FBXL18: variants seen among roughly 807,000 people sequenced by gnomAD.
The protein encoded by FBXL18 is F-box and leucine rich repeat protein 18, also known as F-box/LRR-repeat protein 18.
In FBXL18, 36 loss-of-function variants were observed where a neutral mutation model predicts 46.0. That is an observed-to-expected ratio of 0.78 (90% CI 0.60 to 1.03). FBXL18 has a LOEUF of 1.03. Among genes scored for constraint, FBXL18 ranks in the 50% least tolerant of loss-of-function variants. The pLI, the probability that FBXL18 is intolerant of heterozygous loss-of-function variation, is 0.00. For missense variants in FBXL18, 977 were observed against 1,004.1 expected, an observed-to-expected ratio of 0.97 and a Z score of 0.36; for synonymous variants, 557 against 465.3, an observed-to-expected ratio of 1.20 and a Z score of -2.54.
At chr7:5,472,241 G>A (rs534837969), downstream of FBXL18, among the ~76,000 whole-genome samples, 47 of 151,962 alleles carry the variant, frequency 3.1e-4, no homozygotes, top group Non-Finnish European at 5.7e-4. Context: ...GCACTAAGAC[G>A]CACTTTCTAA....
chr7:5,463,921 A>T (rs1318983517), intron 4 of FBXL18, among the ~76,000 whole-genome samples: 1 of 150,922 alleles, frequency 6.6e-6, no homozygotes, highest in African/African-American at 2.4e-5. Context: ...TCATATTTTT[A>T]GTAGAGACGG....
rs1376158567 is a variant in FBXL18 at position 5,477,132 on chromosome 7, C to A, written c.*4643G>T. The A allele has an allele frequency of 3.3e-5, 5 of 152,212 alleles. No homozygotes were observed. The highest frequency in any genetic ancestry group is 3.3e-4 in the Admixed American group (5 of 15,278). 9.4% of individuals were successfully genotyped at this position (152,212 alleles called of 1,614,324 possible). Reference sequence around the variant, plus strand: ...TCGATCTCCTGACCTCATGATCCGCCTGCCTCAGCCTCCTAAAGTGCTGGG... The same window carrying A: ...TCGATCTCCTGACCTCATGATCCGCATGCCTCAGCCTCCTAAAGTGCTGGG... On this transcript the variant is annotated 3_prime_UTR_variant, in exon 5 of 5. Transcript: ENST00000382368. The surrounding 1 kb of genome is among the most constrained non-coding windows in gnomAD (Gnocchi z 4.4).
intron 4 of FBXL18, among the ~76,000 whole-genome samples, chr7:5,469,200 T>A (rs995787006): frequency 1.3e-5 from 2 of 152,064 alleles, no homozygotes; most frequent in Non-Finnish European, 2.9e-5. Context: ...TCACCTGAGG[T>A]CAGGAGTTCG....
At chr7:5,467,163 T>A (rs1008772956) in intron 4 of FBXL18, among the ~76,000 whole-genome samples, 31 of 152,104 alleles carry the variant, frequency 2.0e-4, no homozygotes, top group East Asian at 5.8e-4. Flanking sequence ...CATCCTGGCT[T>A]ACACAGTGAA....
At chr7:5,491,475 G>C in intron 3 of FBXL18, 26 bp from the exon 4 acceptor site, 4 of 1,536,868 alleles carry the variant, frequency 2.6e-6, no homozygotes, top group Non-Finnish European at 3.5e-6. Context: ...GCAGCTGTGA[G>C]GTCCGAGGGA....
At chr7:5,454,905 CTGT>C (rs1783151385) in intron 4 of FBXL18, among the ~76,000 whole-genome samples, 1 of 152,216 alleles carries the variant, frequency 6.6e-6, no homozygotes, top group Admixed American at 6.5e-5. Flanking sequence ...GGCTAAGCCG[CTGT>C]TGTTTGGGAT....
chr7:5,507,902 G>A (rs1784431569), intron 1 of FBXL18, among the ~76,000 whole-genome samples: 1 of 151,234 alleles, frequency 6.6e-6, no homozygotes. Flanking sequence ...TTGGGAGGCT[G>A]AGGAGGGCAG....
intron 4 of FBXL18, among the ~76,000 whole-genome samples, chr7:5,460,641 T>C (rs1015922518): frequency 2.0e-5 from 3 of 152,132 alleles, no homozygotes; most frequent in African/African-American, 7.2e-5. Context: ...TTAGTAGAGA[T>C]GGGGTTTCAC....
At position 5,490,126 on chromosome 7, in the gene FBXL18, C is replaced by G. The variant is rs555249435; in HGVS notation, c.2000+1105G>C. 13 of 1,361,094 alleles carry G rather than the reference C, an allele frequency of 9.6e-6. No individual in the cohort carries two copies. The African/African-American group carries it at 1.8e-4, about 19-fold the overall frequency. 84.3% of individuals were successfully genotyped at this position (1,361,094 alleles called of 1,614,324 possible). ...AGAGTCTGGCAAGCAGGGTTGTCGG[C>G]GCCCAGTGGCTCGAGACGTCCTGGC... On this transcript the variant is annotated intron_variant, in intron 4 of 4. Transcript: ENST00000382368.
At chr7:5,462,971 T>A (rs28591366) in intron 4 of FBXL18, among the ~76,000 whole-genome samples, 4,110 of 12,728 alleles carry the variant, frequency 0.32, 493 homozygotes, top group East Asian at 0.45. Context: ...AAAAAAAAAA[T>A]ATATATATAT....
chr7:5,481,985 G>T, intron 4 of FBXL18, 54 bp from the exon 5 acceptor site: 1 of 1,545,676 alleles, frequency 6.5e-7, no homozygotes. Flanking sequence ...GGAGGGGGCG[G>T]AGCCTGCTGG....
At chr7:5,484,156 AGCTCGTGAG>A (rs1176860410) in intron 4 of FBXL18, among the ~76,000 whole-genome samples, 1 of 152,170 alleles carries the variant, frequency 6.6e-6, no homozygotes, top group Non-Finnish European at 1.5e-5. Flanking sequence ...CTCTGGCTCC[AGCTCGTGAG>A]GCTGTTAAGG....
chr7:5,474,852 C>T (rs574032317), downstream of FBXL18, among the ~76,000 whole-genome samples: 32 of 150,744 alleles, frequency 2.1e-4, no homozygotes, highest in South Asian at 3.8e-3. Flanking sequence ...GGACTACAGG[C>T]GCCCGCCACC....
chr7:5,511,908 C>G (rs1392605962), intron 1 of FBXL18, among the ~76,000 whole-genome samples: 1 of 151,842 alleles, frequency 6.6e-6, no homozygotes, highest in Non-Finnish European at 1.5e-5. Context: ...ACAGTCACAC[C>G]TCATCTCTAA....
intron 3 of FBXL18, 150 bp downstream of exon 3, chr7:5,500,338 G>A: frequency 1.5e-6 from 1 of 676,492 alleles, no homozygotes; most frequent in Non-Finnish European, 2.5e-6. Context: ...GCTCTCCCCA[G>A]AGCCCCGAGA....
intron 4 of FBXL18, among the ~76,000 whole-genome samples, chr7:5,463,728 A>ATTTTTTTTTTTTTTTTTTTTTTT (rs552002078): frequency 3.8e-5 from 2 of 53,032 alleles, no homozygotes; most frequent in Non-Finnish European, 6.7e-5. Context: ...TTATTTATTT[A>ATTTTTTTTTTTTTTTTTTTTTTT]TTTTTTTTTT....
chr7:5,490,155 T>C (rs1783883608), intron 4 of FBXL18: 1 of 1,358,526 alleles, frequency 7.4e-7, no homozygotes, highest in South Asian at 1.1e-5. Context: ...TCCTGGCTGA[T>C]GGCTCTTCTC....
Position 5,513,760 on chromosome 7 carries a change from G to A in FBXL18, c.-86C>T, listed in dbSNP as rs1405769936. 10 of 1,530,926 alleles carry A rather than the reference G, an allele frequency of 6.5e-6. No individual in the cohort carries two copies. The Admixed American group carries it at 7.9e-5, about 12-fold the overall frequency. The allele number at this position is 1,530,926 out of a possible 1,614,324, so 94.8% of individuals were successfully genotyped here. On this transcript the variant is annotated 5_prime_UTR_variant, in exon 1 of 5. In the 5' UTR this introduces an upstream ATG that the reference lacks. Coordinates refer to ENST00000382368, the MANE Select transcript of FBXL18 (RefSeq NM_024963.6). ...GGCTAGGGATGCTCGAAGCCGGCGC[G>A]TCCACCGCTCAACCGAGACCCCGGC...
In FBXL18 at chr7:5,501,014, A is replaced by G; in HGVS notation, c.1255T>C (p.Ser419Pro). 1 of 1,596,294 alleles carries G rather than the reference A, an allele frequency of 6.3e-7. No individual in the cohort carries two copies. The change falls in exon 3 of 5, where the codon TCC becomes CCC. Residue 419 changes from serine (S) to proline (P), a missense_variant. Physicochemically the swap from Ser to Pro is moderately conservative, Grantham distance 74. Coordinates refer to ENST00000382368, the MANE Select transcript of FBXL18 (RefSeq NM_024963.6). ...TCAGCGACAGAGCAGACAGGCAGGG[A>G]GAGGGAGCGCAGGTGACGCAGCCGG... ...LARLRHLRSL[S>P]LPVCSVADSA... is the part of the protein sequence containing the mutation.
Sources: allele counts gnomAD v4.1 joint callset (sites outside exome capture counted in the v4.1 genomes callset), GRCh38; gene constraint gnomAD v4.1.1; non-coding constraint Gnocchi (gnomAD v3.1); transcripts MANE v1.5; gene names NCBI Gene and HGNC (gene_info 2026-07-23, HGNC 2026-07-21).